The following HSD17B4 variants were observed in gnomAD, a reference collection of about 807,000 sequenced individuals.
The protein encoded by HSD17B4 is hydroxysteroid 17-beta dehydrogenase 4, also known as peroxisomal multifunctional enzyme type 2.
HSD17B4 carries 70 observed loss-of-function variants against 101.0 expected under a neutral mutation model. The ratio of observed to expected loss-of-function variants is 0.69; its 90% CI spans 0.57 to 0.85. The LOEUF (loss-of-function observed/expected upper bound fraction) is 0.85. HSD17B4 is among the 40% of genes least tolerant of loss of function. The probability of loss-of-function intolerance (pLI) is 0.00; values close to 1 mark genes in which losing one functional copy is unlikely to be tolerated. For synonymous variants in HSD17B4, 347 were observed against 297.1 expected, an observed-to-expected ratio of 1.17 and a Z score of -1.73; for missense variants, 984 against 892.4, an observed-to-expected ratio of 1.10 and a Z score of -1.31.
At chr5:119,502,587 T>C (rs1751274840) in intron 14 of HSD17B4, among the ~76,000 whole-genome samples, 1 of 152,062 alleles carries the variant, frequency 6.6e-6, no homozygotes. Flanking sequence ...TTAGTAAATC[T>C]CTTTTAATTT....
intron 6 of HSD17B4, 73 bp from the exon 7 acceptor site, chr5:119,477,344 C>A: frequency 9.9e-7 from 1 of 1,005,554 alleles, no homozygotes. Context: ...ATAAATACAA[C>A]ATTGCTTATG....
At chr5:119,514,867 C>T in intron 16 of HSD17B4, 114 bp from the exon 17 acceptor site, 1 of 720,492 alleles carries the variant, frequency 1.4e-6, no homozygotes, top group Non-Finnish European at 2.5e-6. Context: ...ACCCTTTTAT[C>T]CAATTTGCAG....
chr5:119,523,198 G>C (rs553784282), intron 17 of HSD17B4, among the ~76,000 whole-genome samples: 1 of 151,804 alleles, frequency 6.6e-6, no homozygotes, highest in Non-Finnish European at 1.5e-5. Flanking sequence ...TATTTATTTA[G>C]CATTTAGTTT....
chr5:119,473,843 C>T, intron 2 of HSD17B4, 65 bp from the exon 3 acceptor site: 1 of 948,568 alleles, frequency 1.1e-6, no homozygotes, highest in Non-Finnish European at 1.7e-6. Context: ...ATTTTCCACA[C>T]ACACACACAC....
At chr5:119,473,310 G>T (rs879680552) in intron 2 of HSD17B4, among the ~76,000 whole-genome samples, 516 of 30,818 alleles carry the variant, frequency 0.017, no homozygotes, top group Middle Eastern at 0.053. Context: ...TTTCTTCCCT[G>T]CTCCTTTTTT....
chr5:119,505,894 A>G lies in HSD17B4; in HGVS notation c.1262-924A>G, dbSNP rs187692110. 9.1e-4 allele frequency among the ~76,000 whole-genome samples: 138 copies of G among 152,278 alleles called. 1 individual carries two copies. Among genetic ancestry groups the G allele is most frequent in the Middle Eastern group, 3.4e-3 (1 of 294 alleles). ...CAAAAGACACCAAGAGGAGTCCTTG[A>G]CATTGCCAATGGTTATTTAAAAAAA... On this transcript the variant is annotated intron_variant, in intron 14 of 23. Transcript: ENST00000510025.
chr5:119,538,288 T>C (rs866178006), intron 23 of HSD17B4, among the ~76,000 whole-genome samples: 30 of 152,284 alleles, frequency 2.0e-4, no homozygotes, highest in African/African-American at 7.0e-4. Flanking sequence ...GTCTGATCTT[T>C]CTCCAAAATA....
intron 23 of HSD17B4, among the ~76,000 whole-genome samples, chr5:119,539,948 C>G (rs1356780716): frequency 7.9e-6 from 1 of 126,138 alleles, no homozygotes; most frequent in Non-Finnish European, 1.7e-5. Flanking sequence ...AAAAAATTAG[C>G]CTGGTGTGGT....
intron 2 of HSD17B4, among the ~76,000 whole-genome samples, chr5:119,470,192 C>G (rs1756222912): frequency 6.6e-6 from 1 of 151,470 alleles, no homozygotes; most frequent in African/African-American, 2.4e-5. Flanking sequence ...ACTTGAATGT[C>G]TGTTTTTTTT....
At chr5:119,519,775 T>C (rs545757389) in intron 17 of HSD17B4, among the ~76,000 whole-genome samples, 2 of 152,372 alleles carry the variant, frequency 1.3e-5, no homozygotes, top group East Asian at 1.9e-4. Flanking sequence ...ATTCATCTTA[T>C]CTAGAAGAGT....
intron 14 of HSD17B4, among the ~76,000 whole-genome samples, chr5:119,504,253 T>C (rs1366915920): frequency 6.6e-6 from 1 of 152,170 alleles, no homozygotes; most frequent in East Asian, 1.9e-4. Flanking sequence ...TGAGTGCATA[T>C]GTCTTTTTGG....
intron 8 of HSD17B4, among the ~76,000 whole-genome samples, chr5:119,484,355 T>C (rs1205002462): frequency 1.3e-5 from 2 of 152,240 alleles, no homozygotes; most frequent in African/African-American, 2.4e-5. Flanking sequence ...TTCTCTGTTC[T>C]ATTCCATTGA....
intron 8 of HSD17B4, among the ~76,000 whole-genome samples, chr5:119,481,422 C>T (rs1749119812): frequency 6.6e-6 from 1 of 152,124 alleles, no homozygotes; most frequent in Admixed American, 6.6e-5. Flanking sequence ...ACAGAATTCT[C>T]TGTTGGTGGC....
intron 14 of HSD17B4, among the ~76,000 whole-genome samples, chr5:119,506,559 A>G (rs1008062279): frequency 2.0e-5 from 3 of 152,192 alleles, no homozygotes; most frequent in Non-Finnish European, 4.4e-5. Flanking sequence ...GTCAAATGGT[A>G]TTTCTAGTTC....
intron 23 of HSD17B4, among the ~76,000 whole-genome samples, chr5:119,539,445 G>T (rs576557238): frequency 1.4e-5 from 1 of 73,712 alleles, no homozygotes; most frequent in Non-Finnish European, 3.3e-5. Context: ...GGTTGGGGGA[G>T]GGGGGGAGGG....
intron 14 of HSD17B4, among the ~76,000 whole-genome samples, chr5:119,506,524 A>T (rs1751666908): frequency 6.6e-6 from 1 of 152,238 alleles, no homozygotes; most frequent in African/African-American, 2.4e-5. Context: ...TCCTTTGGGT[A>T]CATACCCAGT....
chr5:119,523,967 C>T (rs767173414), intron 17 of HSD17B4, among the ~76,000 whole-genome samples: 11 of 152,108 alleles, frequency 7.2e-5, no homozygotes, highest in Non-Finnish European at 1.3e-4. Flanking sequence ...TGATAATTTC[C>T]TGTCACAATT....
chr5:119,494,438 T>A (rs1446646879), intron 11 of HSD17B4, among the ~76,000 whole-genome samples: 1 of 151,848 alleles, frequency 6.6e-6, no homozygotes, highest in Non-Finnish European at 1.5e-5. Flanking sequence ...AGCTCTTTTC[T>A]GTTTAGTGCA....
At chr5:119,504,416 G>GT (rs1751465857) in intron 14 of HSD17B4, among the ~76,000 whole-genome samples, 1 of 152,024 alleles carries the variant, frequency 6.6e-6, no homozygotes, top group South Asian at 2.1e-4. Context: ...TAAATGTTCT[G>GT]TTTTATCTGC....
Sources: gnomAD v4.1 joint callset for allele counts (sites outside exome capture counted in the v4.1 genomes callset) on GRCh38, gnomAD v4.1.1 for gene constraint, MANE v1.5 for transcripts, NCBI Gene and HGNC (gene_info 2026-07-23, HGNC 2026-07-21) for gene names.